RRAS2: variants seen among roughly 807,000 people sequenced by gnomAD.
The protein encoded by RRAS2 is RAS related 2.
A neutral mutation model predicts 27.6 loss-of-function variants in RRAS2; 7 were observed. That is an observed-to-expected ratio of 0.25 (90% CI 0.14 to 0.48). RRAS2 has a LOEUF of 0.48. RRAS2 is among the 20% of genes least tolerant of loss of function. The probability of loss-of-function intolerance (pLI) is 0.99; values close to 1 mark genes in which losing one functional copy is unlikely to be tolerated. For synonymous variants in RRAS2, 86 were observed against 90.9 expected, an observed-to-expected ratio of 0.95 and a Z score of 0.31; for missense variants, 178 against 256.2, an observed-to-expected ratio of 0.69 and a Z score of 2.08.
At chr11:14,355,782 C>T (rs1554955347) in intron 1 of RRAS2, among the ~76,000 whole-genome samples, 1 of 152,050 alleles carries the variant, frequency 6.6e-6, no homozygotes, top group Non-Finnish European at 1.5e-5. Context: ...CAATTTGTGC[C>T]ATTCTAATCT....
intron 1 of RRAS2, among the ~76,000 whole-genome samples, chr11:14,314,871 T>A (rs546753670): frequency 6.6e-6 from 1 of 152,242 alleles, no homozygotes; most frequent in Non-Finnish European, 1.5e-5. Context: ...GTATTTTTAG[T>A]AGACCAGGTT....
At chr11:14,280,734 A>G in intron 5 of RRAS2, among the ~76,000 whole-genome samples, 1 of 127,382 alleles carries the variant, frequency 7.9e-6, no homozygotes, top group Non-Finnish European at 1.7e-5. Context: ...TCCAAAAAAA[A>G]AAAAAAAAAA....
Position 14,302,110 on chromosome 11 carries a change from A to ACACACACACACACC in RRAS2, c.109-6256_109-6255insGGTGTGTGTGTGTG, listed in dbSNP as rs1199183770. ...CACACACACACACACACACACACAC[A>ACACACACACACACC]CCAAAAACCAAGACTAACAAATTTT... On this transcript the variant is annotated intron_variant, in intron 1 of 5. Coordinates refer to ENST00000256196, the MANE Select transcript of RRAS2 (RefSeq NM_012250.6). Among the ~76,000 whole-genome samples the ACACACACACACACC allele has an allele frequency of 9.0e-5, 13 of 143,766 alleles. No homozygotes were observed. The East Asian group carries it at 1.0e-3, about 11-fold the overall frequency. 94.3% of individuals were successfully genotyped at this position (143,766 alleles called of 152,430 possible).
chr11:14,293,270 GT>G, intron 4 of RRAS2, among the ~76,000 whole-genome samples: 1 of 150,518 alleles, frequency 6.6e-6, no homozygotes, highest in East Asian at 2.0e-4. Context: ...CCTCAAAGCT[GT>G]TTATCAACCA....
At chr11:14,333,371 A>T (rs1848520748) in intron 1 of RRAS2, among the ~76,000 whole-genome samples, 1 of 152,248 alleles carries the variant, frequency 6.6e-6, no homozygotes, top group Non-Finnish European at 1.5e-5. Flanking sequence ...ACTATACTCT[A>T]GAAAACTACA....
intron 4 of RRAS2, among the ~76,000 whole-genome samples, chr11:14,293,576 G>A (rs782714149): frequency 1.1e-4 from 16 of 151,942 alleles, no homozygotes; most frequent in South Asian, 2.1e-4. Context: ...TCCTGTTCTC[G>A]GAGATCTGAT....
At chr11:14,284,899 G>GTCTTCACATTTAT (rs1369072586) in intron 4 of RRAS2, among the ~76,000 whole-genome samples, 1 of 151,978 alleles carries the variant, frequency 6.6e-6, no homozygotes. Flanking sequence ...TAACCTTTGT[G>GTCTTCACATTTAT]TCTTCACATT....
At chr11:14,322,354 C>A (rs1233776513) in intron 1 of RRAS2, among the ~76,000 whole-genome samples, 1 of 151,710 alleles carries the variant, frequency 6.6e-6, no homozygotes, top group Non-Finnish European at 1.5e-5. Flanking sequence ...CTACGAGGAT[C>A]ACTTGAGTGC....
At chr11:14,300,718 C>T (rs1554947261) in intron 1 of RRAS2, among the ~76,000 whole-genome samples, 1 of 152,078 alleles carries the variant, frequency 6.6e-6, no homozygotes, top group East Asian at 1.9e-4. Flanking sequence ...CTCGGGCTGG[C>T]CTCCTAAGGA....
At chr11:14,327,701 C>A (rs957303416) in intron 1 of RRAS2, among the ~76,000 whole-genome samples, 2 of 152,056 alleles carry the variant, frequency 1.3e-5, no homozygotes, top group East Asian at 3.8e-4. Context: ...CCCTATTTAG[C>A]CAGACTCTAA....
In RRAS2 at chr11:14,364,325, C is replaced by T. The variant is rs1849226521; in HGVS notation, c.-124+66G>A. On this transcript the variant is annotated intron_variant, in intron 1 of 5. Coordinates refer to the RRAS2 transcript ENST00000529237. Reference sequence around the variant, plus strand: ...CCTCTAACCTCATCTGTAGCTACAACAGACAGAGCCAAGACCTGTTGGCCA... The same window carrying T: ...CCTCTAACCTCATCTGTAGCTACAATAGACAGAGCCAAGACCTGTTGGCCA... 5.4e-6 allele frequency: 8 copies of T among 1,481,458 alleles called. No individual in the cohort carries two copies. The Admixed American group carries it at 1.6e-4, about 29-fold the overall frequency. 91.8% of individuals were successfully genotyped at this position (1,481,458 alleles called of 1,614,324 possible).
At chr11:14,333,646 C>A (rs1443976254) in intron 1 of RRAS2, among the ~76,000 whole-genome samples, 1 of 141,690 alleles carries the variant, frequency 7.1e-6, no homozygotes, top group Non-Finnish European at 1.6e-5. Context: ...CCCACCCCCA[C>A]CCTGCCCCTT....
chr11:14,361,723 C>G (rs939844831), upstream of RRAS2, among the ~76,000 whole-genome samples: 22 of 152,280 alleles, frequency 1.4e-4, no homozygotes, highest in African/African-American at 4.3e-4. Flanking sequence ...TTACCAACAA[C>G]CTGACAATTA....
At chr11:14,293,106 TCAAAA>T (rs1370782422) in intron 4 of RRAS2, among the ~76,000 whole-genome samples, 32 of 105,864 alleles carry the variant, frequency 3.0e-4, no homozygotes, top group African/African-American at 1.1e-3. Context: ...AGACTCCGTC[TCAAAA>T]CAAAACAAAA....
chr11:14,353,594 CAAAAA>C (rs79109765), intron 1 of RRAS2, among the ~76,000 whole-genome samples: 1 of 121,682 alleles, frequency 8.2e-6, no homozygotes, highest in South Asian at 2.7e-4. Flanking sequence ...AACTTCGTCT[CAAAAA>C]AAAAAAAAAA....
At chr11:14,281,877 C>T (rs1364284806) in intron 4 of RRAS2, among the ~76,000 whole-genome samples, 157 bp from the exon 5 acceptor site, 2 of 152,186 alleles carry the variant, frequency 1.3e-5, no homozygotes, top group African/African-American at 4.8e-5. Context: ...TAAACTAAAG[C>T]CCACCTCTGC....
intron 1 of RRAS2, among the ~76,000 whole-genome samples, chr11:14,334,186 C>T (rs2915409): frequency 0.91 from 138,350 of 152,256 alleles, 62,909 homozygotes; most frequent in South Asian, 0.95. Context: ...AATAGCAGCA[C>T]GAGAGTGCCC....
At chr11:14,321,413 T>C (rs1554950265) in intron 1 of RRAS2, among the ~76,000 whole-genome samples, 5 of 152,136 alleles carry the variant, frequency 3.3e-5, no homozygotes, top group African/African-American at 9.7e-5. Context: ...TGATCAAAAA[T>C]TGTCAAAACT....
In RRAS2 at chr11:14,301,982, A is replaced by T. The variant is rs950324240; in HGVS notation, c.109-6127T>A. Among the ~76,000 whole-genome samples the T allele has an allele frequency of 9.2e-5, 14 of 152,032 alleles. No homozygotes were observed. The East Asian group carries it at 2.7e-3, about 29-fold the overall frequency. ...TGGGCAACAGAGCGAGACTCTTTCAAAAATTAAAATAAATAAATAAAATTC... is the reference window on the plus strand; with the variant it reads ...TGGGCAACAGAGCGAGACTCTTTCATAAATTAAAATAAATAAATAAAATTC... On this transcript the variant is annotated intron_variant, in intron 1 of 5. Transcript: ENST00000256196.
Sources: allele counts gnomAD v4.1 joint callset (sites outside exome capture counted in the v4.1 genomes callset), GRCh38; gene constraint gnomAD v4.1.1; transcripts MANE v1.5; gene names NCBI Gene and HGNC (gene_info 2026-07-23, HGNC 2026-07-21).